PLEKHG1: variants seen among roughly 807,000 people sequenced by gnomAD.
PLEKHG1 encodes pleckstrin homology domain-containing family G member 1.
Under a neutral mutation model 100.8 loss-of-function variants are expected in PLEKHG1, and 44 were observed. That is an observed-to-expected ratio of 0.44 (90% confidence interval 0.34 to 0.56). PLEKHG1 has a LOEUF of 0.56. PLEKHG1 is among the 20% of genes least tolerant of loss of function. The pLI, the probability that PLEKHG1 is intolerant of heterozygous loss-of-function variation, is 0.01. For synonymous variants in PLEKHG1, 640 were observed against 662.5 expected (o/e 0.97, Z 0.52); for missense variants, 1,545 against 1,720.9 (o/e 0.90, Z 1.81).
intron 3 of PLEKHG1, among the ~76,000 whole-genome samples, chr6:150,688,835 T>C (rs2128592435): frequency 1.3e-5 from 2 of 152,350 alleles, no homozygotes; most frequent in South Asian, 4.1e-4. Flanking sequence ...TACAATTCAA[T>C]GGTTTTTGGT....
At position 150,706,002 on chromosome 6, in the gene PLEKHG1, G is replaced by A. The variant is rs78498272; in HGVS notation, c.-98-27582G>A. 2.1e-3 allele frequency among the ~76,000 whole-genome samples: 316 copies of A among 152,158 alleles called. 2 individuals carry two copies. Among genetic ancestry groups the A allele is most frequent in the African/African-American group, 7.2e-3 (300 of 41,486 alleles). On this transcript the variant is annotated intron_variant, in intron 3 of 3. Coordinates refer to the PLEKHG1 transcript ENST00000367326. ...AGTTATTCCTCTTTTTTCCTTGCCC[G>A]TAAATCCAGTTTTATAGTCATTGTT... is the stretch of plus-strand genomic sequence containing the variant.
chr6:150,715,277 G>A (rs1282342137), intron 3 of PLEKHG1, among the ~76,000 whole-genome samples: 1 of 152,096 alleles, frequency 6.6e-6, no homozygotes, highest in Non-Finnish European at 1.5e-5. Flanking sequence ...TTTGTAGTTG[G>A]TGATATTTTC....
At chr6:150,698,006 A>G (rs1017596705) in intron 3 of PLEKHG1, among the ~76,000 whole-genome samples, 2 of 152,060 alleles carry the variant, frequency 1.3e-5, no homozygotes, top group African/African-American at 2.4e-5. Context: ...TGGCTAATGC[A>G]TCAAACAAGT....
chr6:150,715,922 C>A (rs1781413130), intron 3 of PLEKHG1, among the ~76,000 whole-genome samples: 2 of 147,710 alleles, frequency 1.4e-5, no homozygotes, highest in African/African-American at 2.4e-5. Flanking sequence ...TCCTGGCTAA[C>A]ACGGTGAAAC....
chr6:150,755,559 A>G (rs1783789378), intron 2 of PLEKHG1, among the ~76,000 whole-genome samples: 1 of 152,204 alleles, frequency 6.6e-6, no homozygotes, highest in Non-Finnish European at 1.5e-5. Flanking sequence ...ACACCTGCAC[A>G]TGTGTGCTGA....
chr6:150,685,183 A>C (rs1172962334), intron 3 of PLEKHG1, among the ~76,000 whole-genome samples: 3 of 151,788 alleles, frequency 2.0e-5, no homozygotes, highest in African/African-American at 7.3e-5. Context: ...CAAACCCCAC[A>C]CTTGAGCACT....
chr6:150,807,091 T>A (rs1465019890), intron 7 of PLEKHG1, among the ~76,000 whole-genome samples: 1 of 152,198 alleles, frequency 6.6e-6, no homozygotes, highest in Non-Finnish European at 1.5e-5. Flanking sequence ...TTCTACTTCA[T>A]TATGGCCCCA....
intron 1 of PLEKHG1, among the ~76,000 whole-genome samples, chr6:150,621,567 G>T (rs1777302721): frequency 6.6e-6 from 1 of 152,054 alleles, no homozygotes; most frequent in Non-Finnish European, 1.5e-5. Flanking sequence ...TAGAGTCGGG[G>T]TTTCACCATG....
In PLEKHG1 at chr6:150,728,531, G is replaced by A. The variant is rs147603788; in HGVS notation, c.-98-5053G>A. On this transcript the variant is annotated intron_variant, in intron 1 of 15. Coordinates refer to ENST00000358517, the Ensembl canonical transcript of PLEKHG1. ...TTGAACCCAGGAGTGAGCCATGATT[G>A]TGCCACTGCACTCCAGCCTGGGTGA... is the stretch of plus-strand genomic sequence containing the variant. Among the ~76,000 whole-genome samples the A allele has an allele frequency of 3.1e-3, 472 of 152,132 alleles. 3 individuals are homozygous for A. The highest frequency in any genetic ancestry group is 0.01 in the African/African-American group (428 of 41,494).
exon 16 of PLEKHG1, chr6:150,840,588 A>C (rs755175000): frequency 6.2e-7 from 1 of 1,614,200 alleles, no homozygotes; most frequent in Non-Finnish European, 8.5e-7. Flanking sequence ...TGTGGAAATC[A>C]AGTCAGAAGA....
chr6:150,674,638 T>TCCCTCC (rs1432920399), intron 3 of PLEKHG1, among the ~76,000 whole-genome samples: 1 of 106,894 alleles, frequency 9.4e-6, no homozygotes, highest in Non-Finnish European at 2.0e-5. Context: ...CCTCCCTCTC[T>TCCCTCC]CTCTCTCTCT....
chr6:150,657,657 T>C (rs1779021239), intron 3 of PLEKHG1, among the ~76,000 whole-genome samples: 1 of 152,226 alleles, frequency 6.6e-6, no homozygotes. Flanking sequence ...GTTAGCAAGT[T>C]ATTCACTTGT....
chr6:150,657,165 C>T (rs190937294), intron 3 of PLEKHG1, among the ~76,000 whole-genome samples: 27 of 152,080 alleles, frequency 1.8e-4, no homozygotes, highest in Admixed American at 1.2e-3. Flanking sequence ...TTAGGCAACA[C>T]GTGGTTCAAG....
Position 150,727,514 on chromosome 6 carries a change from A to C in PLEKHG1, c.-98-6070A>C, listed in dbSNP as rs538591236. 2.0e-4 allele frequency among the ~76,000 whole-genome samples: 31 copies of C among 152,314 alleles called. No individual in the cohort carries two copies. In the East Asian group the frequency reaches 5.4e-3, roughly 27 times the overall value. ...AATTCCAATGTTTTCACCCAGAAAA[A>C]ATTAGAGGGATTTGTCATGAAGTAA... is the stretch of plus-strand genomic sequence containing the variant. On this transcript the variant is annotated intron_variant, in intron 1 of 15. Coordinates refer to ENST00000358517, the Ensembl canonical transcript of PLEKHG1.
chr6:150,758,080 T>C (rs59426676), intron 2 of PLEKHG1, among the ~76,000 whole-genome samples: 54,575 of 152,082 alleles, frequency 0.36, 11,849 homozygotes, highest in African/African-American at 0.59. Context: ...CAGTCTATCA[T>C]TGATGGGCAT....
intron 1 of PLEKHG1, among the ~76,000 whole-genome samples, chr6:150,727,403 C>A (rs1036253986): frequency 2.6e-5 from 4 of 152,104 alleles, no homozygotes; most frequent in Admixed American, 2.0e-4. Context: ...AGCCAAGAAG[C>A]ATTGCTTTTG....
At chr6:150,685,127 G>A (rs943262983) in intron 3 of PLEKHG1, among the ~76,000 whole-genome samples, 7 of 152,022 alleles carry the variant, frequency 4.6e-5, no homozygotes, top group African/African-American at 1.5e-4. Context: ...GTGACACTGG[G>A]CCGTTCTTCA....
intron 12 of PLEKHG1, among the ~76,000 whole-genome samples, chr6:150,820,124 G>A (rs953581117): frequency 2.0e-5 from 3 of 151,344 alleles, no homozygotes; most frequent in African/African-American, 2.4e-5. Context: ...CAGGAGAATC[G>A]CTTGAACCCA....
At position 150,610,360 on chromosome 6, in the gene PLEKHG1, C is replaced by T. The variant is rs75843927; in HGVS notation, c.-204+10343C>T. ...TAAGTGATCCACCTGCTTCGGCCTC[C>T]CGAAGTGTTGGGATTACAGGTGTGA... is the stretch of plus-strand genomic sequence containing the variant. On this transcript the variant is annotated intron_variant, in intron 1 of 3. Transcript: ENST00000367326. Among the ~76,000 whole-genome samples, 897 of 152,326 alleles carry T rather than the reference C, an allele frequency of 5.9e-3. 10 individuals are homozygous for T. Among genetic ancestry groups the T allele is most frequent in the African/African-American group, 0.021 (858 of 41,574 alleles).
Sources: gnomAD v4.1 joint callset for allele counts (sites outside exome capture counted in the v4.1 genomes callset) on GRCh38, gnomAD v4.1.1 for gene constraint, MANE v1.5 for transcripts, NCBI Gene and HGNC (gene_info 2026-07-23, HGNC 2026-07-21) for gene names.